Variants in DTD1 observed in about 807,000 individuals in gnomAD.
The protein encoded by DTD1 is D-aminoacyl-tRNA deacylase 1.
DTD1 carries 13 observed loss-of-function variants against 25.6 expected under a neutral mutation model. The ratio of observed to expected loss-of-function variants is 0.51; its 90% CI spans 0.33 to 0.81. The LOEUF is 0.81. Among genes scored for constraint, DTD1 ranks in the 30% least tolerant of loss-of-function variants. The pLI is 0.02. For synonymous variants in DTD1, 110 were observed against 103.6 expected, an observed-to-expected ratio of 1.06 and a Z score of -0.37; for missense variants, 193 against 266.4, an observed-to-expected ratio of 0.72 and a Z score of 1.92.
Position 18,661,623 on chromosome 20 carries a change from G to A in DTD1, c.477+33390G>A, listed in dbSNP as rs538092738. Among the ~76,000 whole-genome samples the A allele has an allele frequency of 2.4e-4, 36 of 152,198 alleles. 1 individual carries two copies. In the East Asian group the frequency reaches 5.2e-3, roughly 22 times the overall value. ...CCTGACCTCGTGATCTGCCCGCCTT[G>A]GCCTCCCAAAGTGCTGGGATTAGAG... On this transcript the variant is annotated intron_variant, in intron 4 of 5. Coordinates refer to ENST00000377452, the MANE Select transcript of DTD1 (RefSeq NM_080820.6).
At chr20:18,593,938 C>T in intron 2 of DTD1, 117 bp downstream of exon 2, 1 of 756,804 alleles carries the variant, frequency 1.3e-6, no homozygotes, top group Non-Finnish European at 2.3e-6. Flanking sequence ...AACCATTGTC[C>T]CATTGGATGT....
intron 4 of DTD1, among the ~76,000 whole-genome samples, chr20:18,701,906 C>A (rs1046051081): frequency 6.6e-6 from 1 of 152,194 alleles, no homozygotes; most frequent in Non-Finnish European, 1.5e-5. Context: ...GAACAGAATA[C>A]GTTCTTGGTT....
intron 4 of DTD1, among the ~76,000 whole-genome samples, chr20:18,733,303 G>A (rs556907925): frequency 3.9e-5 from 6 of 152,314 alleles, no homozygotes; most frequent in Admixed American, 2.6e-4. Context: ...CCTTGTGCCC[G>A]CCTGTGGCCA....
intron 3 of DTD1, among the ~76,000 whole-genome samples, chr20:18,616,104 C>T (rs769307709): frequency 4.6e-5 from 7 of 152,150 alleles, no homozygotes; most frequent in Non-Finnish European, 8.8e-5. Flanking sequence ...AATGTGGGAT[C>T]GTGTCTTCAT....
intron 5 of DTD1, among the ~76,000 whole-genome samples, chr20:18,747,527 T>G (rs2061305051): frequency 6.6e-6 from 1 of 152,186 alleles, no homozygotes; most frequent in Non-Finnish European, 1.5e-5. Flanking sequence ...CTGTTACTGG[T>G]TAGGCCAAGT....
intron 4 of DTD1, among the ~76,000 whole-genome samples, chr20:18,707,421 C>G (rs1293073183): frequency 6.6e-6 from 1 of 152,070 alleles, no homozygotes; most frequent in African/African-American, 2.4e-5. Context: ...TGGGACTCAC[C>G]CTGCGTGCTC....
intron 3 of DTD1, among the ~76,000 whole-genome samples, chr20:18,616,808 A>T (rs1270999652): frequency 5.9e-5 from 9 of 152,174 alleles, no homozygotes; most frequent in African/African-American, 2.2e-4. Context: ...CCCTGTCTCT[A>T]AAAAATTTTT....
chr20:18,635,546 A>C (rs1398188694), intron 4 of DTD1, among the ~76,000 whole-genome samples: 1 of 151,906 alleles, frequency 6.6e-6, no homozygotes, highest in Non-Finnish European at 1.5e-5. Context: ...GGAGCTCCTG[A>C]CCTCACTCAG....
chr20:18,722,583 A>G (rs2061208428), intron 4 of DTD1, among the ~76,000 whole-genome samples: 1 of 152,154 alleles, frequency 6.6e-6, no homozygotes, highest in South Asian at 2.1e-4. Context: ...TGTGTTTTTT[A>G]TTGACTCATT....
At chr20:18,757,542 G>T (rs1445067276) in intron 5 of DTD1, among the ~76,000 whole-genome samples, 1 of 152,180 alleles carries the variant, frequency 6.6e-6, no homozygotes, top group African/African-American at 2.4e-5. Context: ...TGTGGTTTTT[G>T]TCGTTGGTTC....
intron 4 of DTD1, among the ~76,000 whole-genome samples, chr20:18,691,668 C>G (rs537414375): frequency 6.6e-6 from 1 of 152,186 alleles, no homozygotes; most frequent in Non-Finnish European, 1.5e-5. Context: ...GTACTATGCT[C>G]ATGACCTGGG....
chr20:18,650,365 A>G (rs979430455), intron 4 of DTD1, among the ~76,000 whole-genome samples: 2 of 152,190 alleles, frequency 1.3e-5, no homozygotes, highest in African/African-American at 2.4e-5. Flanking sequence ...TTGCCTGTGA[A>G]ATCAGCCCTG....
At chr20:18,591,818 C>T (rs1277857850) in intron 1 of DTD1, among the ~76,000 whole-genome samples, 1 of 152,116 alleles carries the variant, frequency 6.6e-6, no homozygotes, top group Non-Finnish European at 1.5e-5. Context: ...TGCAAATGAG[C>T]AAACCAACCC....
chr20:18,623,905 TG>T (rs1358091260), intron 3 of DTD1, among the ~76,000 whole-genome samples: 31 of 131,694 alleles, frequency 2.4e-4, no homozygotes, highest in South Asian at 1.1e-3. Context: ...TGTGTGTGTG[TG>T]TAGAGACAGA....
chr20:18,765,129 A>G lies in DTD1; in HGVS notation c.*1789A>G, dbSNP rs1340356714. 6.6e-6 allele frequency: 1 copy of G among 152,244 alleles called. No individual in the cohort carries two copies. The highest frequency in any genetic ancestry group is 1.5e-5 in the Non-Finnish European group (1 of 68,072). 9.4% of individuals were successfully genotyped at this position (152,244 alleles called of 1,614,324 possible). A position where few individuals can be genotyped will look rare whatever the true frequency, so the allele number is the denominator to read the frequency against. On this transcript the variant is annotated 3_prime_UTR_variant, in exon 6 of 6. Transcript: ENST00000377452. ...CTAAAGGGACAGAGACATACCAGAG[A>G]GTGAGCACCATGTGGTCAAGTTGCT...
At chr20:18,728,602 A>T (rs774922790) in intron 4 of DTD1, among the ~76,000 whole-genome samples, 1 of 152,040 alleles carries the variant, frequency 6.6e-6, no homozygotes, top group Non-Finnish European at 1.5e-5. Context: ...CGGTGTCTGG[A>T]TGTGGGAATC....
At chr20:18,724,475 A>G (rs1394300247) in intron 4 of DTD1, among the ~76,000 whole-genome samples, 1 of 152,186 alleles carries the variant, frequency 6.6e-6, no homozygotes, top group Non-Finnish European at 1.5e-5. Context: ...CTTCTATCAT[A>G]ATACTCATCG....
At chr20:18,740,538 G>GCTTA (rs1389192353) in intron 4 of DTD1, among the ~76,000 whole-genome samples, 7 of 152,160 alleles carry the variant, frequency 4.6e-5, no homozygotes, top group Non-Finnish European at 1.5e-5. Context: ...GCAGAAGGCA[G>GCTTA]CTTACCACAA....
At chr20:18,670,795 C>T (rs2122389157) in intron 4 of DTD1, among the ~76,000 whole-genome samples, 1 of 152,310 alleles carries the variant, frequency 6.6e-6, no homozygotes, top group Admixed American at 6.5e-5. Flanking sequence ...GGAGTGAAAC[C>T]TTCAGAGGTT....
Sources: gnomAD v4.1 joint callset for allele counts (sites outside exome capture counted in the v4.1 genomes callset) on GRCh38, gnomAD v4.1.1 for gene constraint, MANE v1.5 for transcripts, NCBI Gene and HGNC (gene_info 2026-07-23, HGNC 2026-07-21) for gene names.